PREX1: variants seen among roughly 807,000 people sequenced by gnomAD.
PREX1 encodes the protein phosphatidylinositol-3,4,5-trisphosphate dependent Rac exchange factor 1, also known as phosphatidylinositol 3,4,5-trisphosphate-dependent Rac exchanger 1 protein.
In PREX1, 41 loss-of-function variants were observed where a neutral mutation model predicts 198.3. The ratio of observed to expected loss-of-function variants is 0.21; its 90% CI spans 0.16 to 0.27. The LOEUF is 0.27. Among genes scored for constraint, PREX1 ranks in the 10% least tolerant of loss-of-function variants. The pLI is 1.00. For synonymous variants in PREX1, 843 were observed against 887.2 expected (o/e 0.95, Z 0.89); for missense variants, 1,620 against 2,200.7 (o/e 0.74, Z 5.28).
intron 1 of PREX1, among the ~76,000 whole-genome samples, chr20:48,770,477 G>A (rs1263172116): frequency 1.3e-5 from 2 of 152,202 alleles, no homozygotes; most frequent in Non-Finnish European, 2.9e-5. Context: ...TTGGAAGGCT[G>A]AGGCAGGTGG....
intron 11 of PREX1, 82 bp from the exon 12 acceptor site, chr20:48,679,836 G>T: frequency 9.5e-7 from 1 of 1,049,150 alleles, no homozygotes; most frequent in Non-Finnish European, 1.5e-6. Context: ...GGCCTTCACT[G>T]CCAGCCACGC....
intron 4 of PREX1, among the ~76,000 whole-genome samples, chr20:48,727,390 C>G (rs1023310213): frequency 2.6e-5 from 4 of 152,158 alleles, no homozygotes; most frequent in Non-Finnish European, 5.9e-5. Context: ...TACTTCCGCC[C>G]TGCAGCCCCC....
At chr20:48,705,997 G>A (rs111970482) in intron 6 of PREX1, among the ~76,000 whole-genome samples, 6,825 of 152,218 alleles carry the variant, frequency 0.045, 303 homozygotes, top group African/African-American at 0.11. Flanking sequence ...CTGTAAAATG[G>A]GGATAATAGC....
At chr20:48,742,110 C>T (rs928152579) in intron 3 of PREX1, among the ~76,000 whole-genome samples, 9 of 152,112 alleles carry the variant, frequency 5.9e-5, no homozygotes, top group African/African-American at 1.4e-4. Flanking sequence ...TCCTTGTGCC[C>T]GGGCATCACA....
chr20:48,715,008 T>C (rs1468233778), intron 5 of PREX1, among the ~76,000 whole-genome samples: 1 of 152,236 alleles, frequency 6.6e-6, no homozygotes. Flanking sequence ...AGAAGGCTCC[T>C]GCCCAATTCA....
intron 1 of PREX1, among the ~76,000 whole-genome samples, chr20:48,778,690 A>G (rs1363388937): frequency 1.3e-5 from 2 of 152,264 alleles, no homozygotes; most frequent in Non-Finnish European, 2.9e-5. Flanking sequence ...AAGAGAGTAC[A>G]GGAATTGACC....
At position 48,644,398 on chromosome 20, in the gene PREX1, A is replaced by G. The variant is rs6019344; in HGVS notation, c.3601+11T>C. 0.49 allele frequency: 780,542 copies of G among 1,606,978 alleles called. 196,445 individuals are homozygous for G. Among genetic ancestry groups the G allele is most frequent in the African/African-American group, 0.79 (59,325 of 74,830 alleles). On this transcript the variant is annotated intron_variant, in intron 27 of 39. Coordinates refer to ENST00000371941, the MANE Select transcript of PREX1 (RefSeq NM_020820.4). ...CTCTCCCTGAGCACAGGCCGCTGCC[A>G]CTCCACTCACCAGACCCCATCTCGT...
intron 1 of PREX1, among the ~76,000 whole-genome samples, chr20:48,783,435 G>GTAGT (rs1220650786): frequency 3.3e-5 from 5 of 152,148 alleles, no homozygotes; most frequent in Admixed American, 2.0e-4. Flanking sequence ...CAGCACATGT[G>GTAGT]TAGTTTCAGG....
intron 26 of PREX1, among the ~76,000 whole-genome samples, chr20:48,645,605 A>T (rs1184168593): frequency 1.3e-5 from 2 of 152,170 alleles, no homozygotes; most frequent in Non-Finnish European, 2.9e-5. Flanking sequence ...GGTGACACTG[A>T]GGCAGAACAG....
At chr20:48,764,699 T>C (rs2090199889) in intron 1 of PREX1, among the ~76,000 whole-genome samples, 2 of 151,156 alleles carry the variant, frequency 1.3e-5, no homozygotes, top group South Asian at 4.2e-4. Flanking sequence ...TGAGAATTGC[T>C]TGAACACGGG....
At chr20:48,705,814 C>A (rs1016879367) in intron 6 of PREX1, among the ~76,000 whole-genome samples, 7 of 151,998 alleles carry the variant, frequency 4.6e-5, no homozygotes, top group African/African-American at 1.7e-4. Flanking sequence ...CCAAATGAAA[C>A]CAAAAAAATA....
chr20:48,652,661 C>T lies in PREX1; in HGVS notation c.2392G>A (p.Ala798Thr). Residue 798 changes from alanine (A) to threonine (T), a missense_variant, in exon 21 of 40, where the codon GCA becomes ACA. This residue lies in a region of PREX1 where 514 missense variants were observed against 611.6 expected (regional missense o/e 0.84). Transcript: ENST00000371941. ...GTGGAGGCCTCCTGACTGGCTCGTG[C>T]TTCCTGGGCATCCTCATGGGTGTGG... ...IYHTHEDAQE[A>T]RASQEASTED... The T allele has an allele frequency of 6.2e-7, 1 of 1,613,666 alleles. No homozygotes were observed. The highest frequency in any genetic ancestry group is 8.5e-7 in the Non-Finnish European group (1 of 1,179,742).
At chr20:48,689,492 T>C (rs1372637186) in intron 9 of PREX1, among the ~76,000 whole-genome samples, 1 of 152,180 alleles carries the variant, frequency 6.6e-6, no homozygotes, top group Admixed American at 6.5e-5. Flanking sequence ...TGGTTCCATA[T>C]TCGTGCTCGT....
intron 33 of PREX1, among the ~76,000 whole-genome samples, chr20:48,634,455 T>C (rs1423006662): frequency 6.6e-6 from 1 of 152,224 alleles, no homozygotes; most frequent in Admixed American, 6.5e-5. Context: ...CTGTTGGAAA[T>C]AGCCGGGTTC....
chr20:48,652,673 C>T lies in PREX1; in HGVS notation c.2380G>A (p.Asp794Asn), dbSNP rs138225850. The T allele has an allele frequency of 3.3e-4, 532 of 1,613,428 alleles. 4 individuals carry two copies. In the African/African-American group the frequency reaches 6.2e-3, roughly 19 times the overall value. ...LYQWIYHTHE[D>N]AQEARASQEA... ...TGACTGGCTCGTGCTTCCTGGGCAT[C>T]CTCATGGGTGTGGTAGATCCACTGG... Residue 794 changes from aspartate (D) to asparagine (N), a missense_variant, in exon 21 of 40, where the codon GAT (aspartate) becomes AAT (asparagine). By Grantham distance (23) the Asp-to-Asn change is conservative. Around this residue, in one of 7 missense-constraint regions of PREX1, gnomAD observed 514 missense variants for 611.6 expected, o/e 0.84. Coordinates refer to ENST00000371941, the MANE Select transcript of PREX1 (RefSeq NM_020820.4).
Position 48,658,101 on chromosome 20 carries a change from C to T in PREX1, c.1974+35G>A, listed in dbSNP as rs574828247. On this transcript the variant is annotated intron_variant, in intron 17 of 39. Transcript: ENST00000371941. ...GAGAGACACCCCGCTCTGCCACCTG[C>T]ACACGGTCCCTGCCAGCTCCCCCGA... is the stretch of plus-strand genomic sequence containing the variant. 4.4e-6 allele frequency: 7 copies of T among 1,594,996 alleles called. No homozygotes were observed. The East Asian group carries it at 1.1e-4, about 25-fold the overall frequency.
the PREX1 span, among the ~76,000 whole-genome samples, chr20:48,858,449 C>A: frequency 6.6e-6 from 1 of 152,212 alleles, no homozygotes; most frequent in South Asian, 2.1e-4. Context: ...GCCCCCAATC[C>A]TCAACAGCAG....
intron 5 of PREX1, among the ~76,000 whole-genome samples, chr20:48,720,768 T>A (rs2089981584): frequency 6.6e-6 from 1 of 151,612 alleles, no homozygotes; most frequent in South Asian, 2.1e-4. Flanking sequence ...ACTCAGTCCA[T>A]CCCAGGAGCG....
chr20:48,772,148 C>T (rs369203629), intron 1 of PREX1, among the ~76,000 whole-genome samples: 2 of 152,096 alleles, frequency 1.3e-5, no homozygotes, highest in Non-Finnish European at 1.5e-5. Flanking sequence ...GAGCTGAGAT[C>T]GAGCCACTGC....
Sources: allele counts gnomAD v4.1 joint callset (sites outside exome capture counted in the v4.1 genomes callset), GRCh38; gene constraint gnomAD v4.1.1; regional missense constraint gnomAD v4.1.1; transcripts MANE v1.5; gene names NCBI Gene and HGNC (gene_info 2026-07-23, HGNC 2026-07-21).